KBTBD12: variants seen among roughly 807,000 people sequenced by gnomAD.
The protein encoded by KBTBD12 is kelch repeat and BTB domain-containing protein 12.
A neutral mutation model predicts 58.7 loss-of-function variants in KBTBD12; 53 were observed. That is an observed-to-expected ratio of 0.90 (90% confidence interval 0.72 to 1.14). The LOEUF is 1.14. Among genes scored for constraint, KBTBD12 ranks in the 50% most tolerant of loss-of-function variants. KBTBD12 has a pLI of 0.00. For synonymous variants in KBTBD12, 236 were observed against 259.8 expected (o/e 0.91, Z 0.88); for missense variants, 704 against 751.3 (o/e 0.94, Z 0.74).
At chr3:127,930,891 T>C (rs899713918) in intron 4 of KBTBD12, among the ~76,000 whole-genome samples, 3 of 152,170 alleles carry the variant, frequency 2.0e-5, no homozygotes, top group African/African-American at 7.2e-5. Flanking sequence ...CCCCTATGTA[T>C]CCCCTATCCT....
chr3:127,964,480 A>AG lies in KBTBD12; in HGVS notation c.1690+1094_1690+1095insG, dbSNP rs553749880. ...AACCCCATCTCTACTTAAAAAAAAA[A>AG]AAAATACAAAAATTAGCTGGGTGTG... On this transcript the variant is annotated intron_variant, in intron 5 of 5. Transcript: ENST00000405109. Among the ~76,000 whole-genome samples the AG allele has an allele frequency of 5.6e-3, 846 of 151,742 alleles. 7 individuals are homozygous for AG. The highest frequency in any genetic ancestry group is 0.018 in the African/African-American group (763 of 41,328).
At chr3:127,941,444 G>A (rs2107598979) in intron 4 of KBTBD12, among the ~76,000 whole-genome samples, 1 of 152,260 alleles carries the variant, frequency 6.6e-6, no homozygotes, top group South Asian at 2.1e-4. Flanking sequence ...ATCAATTGAT[G>A]CCTAAAAATC....
intron 4 of KBTBD12, among the ~76,000 whole-genome samples, chr3:127,948,814 C>A (rs1295205583): frequency 2.0e-5 from 3 of 151,952 alleles, no homozygotes; most frequent in African/African-American, 7.3e-5. Context: ...TAGTTTGTAC[C>A]CAAATTAGGA....
chr3:127,969,008 T>C (rs1940637215), intron 5 of KBTBD12, among the ~76,000 whole-genome samples: 1 of 152,096 alleles, frequency 6.6e-6, no homozygotes, highest in Non-Finnish European at 1.5e-5. Context: ...GACTGAAAGG[T>C]TTCCCCCTAA....
In KBTBD12 at chr3:127,923,863, C is replaced by T. The variant is rs777277674; in HGVS notation, c.802C>T (p.Arg268Cys). The change falls in exon 2 of 6, where the codon CGC (arginine) becomes TGC (cysteine). Residue 268 changes from arginine (R) to cysteine (C), a missense_variant. Transcript: ENST00000405109. ...ACCCCAACAGCACTCTCTAAATCTGCGCTATGGTATGGAGACTACCAGTCT... is the reference window on the plus strand; with the variant it reads ...ACCCCAACAGCACTCTCTAAATCTGTGCTATGGTATGGAGACTACCAGTCT... ...KTPQQHSLNLRYGMETTSLLL... is the reference protein window; with the variant it reads ...KTPQQHSLNLCYGMETTSLLL... 3.5e-5 allele frequency: 56 copies of T among 1,613,784 alleles called. No homozygotes were observed. The highest frequency in any genetic ancestry group is 4.0e-5 in the Non-Finnish European group (47 of 1,179,850).
intron 5 of KBTBD12, among the ~76,000 whole-genome samples, chr3:127,965,937 CAG>C (rs1196178326): frequency 6.6e-6 from 1 of 152,198 alleles, no homozygotes; most frequent in East Asian, 1.9e-4. Context: ...CAGATAATCT[CAG>C]GAGTTGGCAA....
chr3:127,950,493 A>G (rs1411966005), intron 4 of KBTBD12, among the ~76,000 whole-genome samples: 2 of 152,236 alleles, frequency 1.3e-5, no homozygotes, highest in Non-Finnish European at 2.9e-5. Context: ...CAAATAGACT[A>G]ATAATGTCCA....
intron 1 of KBTBD12, among the ~76,000 whole-genome samples, chr3:127,922,587 G>A (rs1939439806): frequency 6.6e-6 from 1 of 152,108 alleles, no homozygotes; most frequent in South Asian, 2.1e-4. Context: ...CATCTCCTTG[G>A]AGAGAATATT....
rs564482767 is a variant in KBTBD12, at chr3:127,934,632, T to C, written c.1492+4349T>C. 3.9e-5 allele frequency among the ~76,000 whole-genome samples: 6 copies of C among 152,212 alleles called. No individual in the cohort carries two copies. In the East Asian group the frequency reaches 1.2e-3, roughly 29 times the overall value. Reference sequence around the variant, plus strand: ...TCACCTAAATACATAACAGAAGAACTACTAAAGACAGAAAATTCTTAAAAG... The same window carrying C: ...TCACCTAAATACATAACAGAAGAACCACTAAAGACAGAAAATTCTTAAAAG... On this transcript the variant is annotated intron_variant, in intron 4 of 5. Coordinates refer to ENST00000405109, the MANE Select transcript of KBTBD12 (RefSeq NM_207335.4).
chr3:127,980,358 C>G (rs994624698), intron 5 of KBTBD12, among the ~76,000 whole-genome samples: 1 of 152,070 alleles, frequency 6.6e-6, no homozygotes, highest in African/African-American at 2.4e-5. Flanking sequence ...GAGATGGAGT[C>G]TCGCTCTGTC....
At chr3:127,953,553 T>A (rs1940256676) in intron 4 of KBTBD12, among the ~76,000 whole-genome samples, 1 of 152,210 alleles carries the variant, frequency 6.6e-6, no homozygotes. Flanking sequence ...GAGGTTTGCT[T>A]TGAGTTGTAA....
Position 127,984,355 on chromosome 3 carries a change from C to A in KBTBD12, c.*77C>A. The A allele has an allele frequency of 1.5e-6, 2 of 1,309,842 alleles. No individual in the cohort carries two copies. The highest frequency in any genetic ancestry group is 2.3e-5 in the East Asian group (1 of 42,958). 81.1% of individuals were successfully genotyped at this position (1,309,842 alleles called of 1,614,324 possible). A position where few individuals can be genotyped will look rare whatever the true frequency, so the allele number is the denominator to read the frequency against. ...CGGAGAGGGCCCACAGCATCTCTGT[C>A]ATGCCAGTCATGTGCACTGCATGCG... is the stretch of plus-strand genomic sequence containing the variant. On this transcript the variant is annotated 3_prime_UTR_variant, in exon 6 of 6. Coordinates refer to ENST00000405109, the MANE Select transcript of KBTBD12 (RefSeq NM_207335.4).
Position 127,963,298 on chromosome 3 carries a change from A to G in KBTBD12, c.1602A>G (p.Pro534=), listed in dbSNP as rs533223912. 4.0e-5 allele frequency: 65 copies of G among 1,611,876 alleles called. No individual in the cohort carries two copies. The East Asian group carries it at 1.4e-3, about 34-fold the overall frequency. Residue 534 remains proline (P), a synonymous_variant, in exon 5 of 6, where the codon CCA becomes CCG. Coordinates refer to ENST00000405109, the MANE Select transcript of KBTBD12 (RefSeq NM_207335.4). ...TTTGGCGAGAGGGCCCTCCCATGCCAAGTCCCCTCCTCTCACTCCGCACCA... is the reference window on the plus strand; with the variant it reads ...TTTGGCGAGAGGGCCCTCCCATGCCGAGTCCCCTCCTCTCACTCCGCACCA... ...GDFWREGPPM[P]SPLLSLRTNS...
chr3:127,978,056 C>T (rs1940814799), intron 5 of KBTBD12, among the ~76,000 whole-genome samples: 1 of 152,112 alleles, frequency 6.6e-6, no homozygotes, highest in Admixed American at 6.6e-5. Context: ...GCTAGCCAGC[C>T]ATCCCAGCAC....
Position 127,984,099 on chromosome 3 carries a change from C to T in KBTBD12, c.1693C>T (p.Arg565Cys), listed in dbSNP as rs754623309. The T allele has an allele frequency of 1.0e-5, 16 of 1,606,546 alleles. No homozygotes were observed. The highest frequency in any genetic ancestry group is 2.7e-5 in the African/African-American group (2 of 74,440). The part of the protein sequence containing the change: ...YVCGGFHGAD[R>C]HEVISKEILE... ...CTTCCCACTTTGCTGTTTTTCAGATCGCCATGAGGTTATCTCCAAAGAAAT... is the reference window on the plus strand; with the variant it reads ...CTTCCCACTTTGCTGTTTTTCAGATTGCCATGAGGTTATCTCCAAAGAAAT... Residue 565 changes from arginine to cysteine, a missense_variant and splice_region_variant, in exon 6 of 6, where the codon CGC (arginine) becomes TGC (cysteine). Arg to Cys is a radical substitution (Grantham distance 180). Transcript: ENST00000405109.
At chr3:127,951,554 A>G (rs1366505652) in intron 4 of KBTBD12, among the ~76,000 whole-genome samples, 1 of 152,198 alleles carries the variant, frequency 6.6e-6, no homozygotes, top group Non-Finnish European at 1.5e-5. Context: ...GCAAGTTGTC[A>G]TTGATTGATT....
chr3:127,923,250 A>G lies in KBTBD12; in HGVS notation c.189A>G (p.Gly63=). The part of the protein sequence containing the change: ...SPYFKAMFTC[G]LLECNQREVI... ...ATTTCAAAGCTATGTTCACCTGTGG[A>G]CTACTTGAATGTAATCAAAGGGAAG... is the stretch of plus-strand genomic sequence containing the variant. Residue 63 remains glycine (G), a synonymous_variant, in exon 2 of 6, where the codon GGA becomes GGG. Coordinates refer to ENST00000405109, the MANE Select transcript of KBTBD12 (RefSeq NM_207335.4). 1 of 1,613,886 alleles carries G rather than the reference A, an allele frequency of 6.2e-7. No individual in the cohort carries two copies. Among genetic ancestry groups the G allele is most frequent in the Middle Eastern group, 1.6e-4 (1 of 6,062 alleles).
rs769095097 is a variant in KBTBD12 at position 127,924,146 on chromosome 3, G to A, written c.1070+15G>A. 1.3e-6 allele frequency: 2 copies of A among 1,524,112 alleles called. No homozygotes were observed. The highest frequency in any genetic ancestry group is 2.4e-5 in the South Asian group (2 of 84,112). 94.4% of individuals were successfully genotyped at this position (1,524,112 alleles called of 1,614,324 possible). A position where few individuals can be genotyped will look rare whatever the true frequency, so the allele number is the denominator to read the frequency against. On this transcript the variant is annotated intron_variant, in intron 2 of 5. Coordinates refer to ENST00000405109, the MANE Select transcript of KBTBD12 (RefSeq NM_207335.4). ...GAAATTTATAGGTTTGTATCTAGCA[G>A]CAAATTTGCTTAATTATTTTGTTTT...
chr3:127,924,543 T>C lies in KBTBD12; in HGVS notation c.1070+412T>C, dbSNP rs1048434243. 4.6e-5 allele frequency among the ~76,000 whole-genome samples: 7 copies of C among 151,944 alleles called. No individual in the cohort carries two copies. The East Asian group carries it at 1.3e-3, about 29-fold the overall frequency. On this transcript the variant is annotated intron_variant, in intron 2 of 5. Coordinates refer to ENST00000405109, the MANE Select transcript of KBTBD12 (RefSeq NM_207335.4). ...TTTCAATCTTAGCTTTATTTATCCA[T>C]ATATAGGGTTTAATATACTGCTTTG...
Sources: gnomAD v4.1 joint callset for allele counts (sites outside exome capture counted in the v4.1 genomes callset) on GRCh38, gnomAD v4.1.1 for gene constraint, MANE v1.5 for transcripts, NCBI Gene and HGNC (gene_info 2026-07-23, HGNC 2026-07-21) for gene names.